The following EXOC1 variants were observed in gnomAD, a reference collection of about 807,000 sequenced individuals.
EXOC1 encodes the protein exocyst complex component 1.
A neutral mutation model predicts 107.7 loss-of-function variants in EXOC1; 67 were observed. That is an observed-to-expected ratio of 0.62 (90% CI 0.51 to 0.76). The LOEUF (loss-of-function observed/expected upper bound fraction) is 0.76. EXOC1 is among the 30% of genes least tolerant of loss of function. The pLI is 0.00. For missense variants in EXOC1, 833 were observed against 1,055.7 expected (o/e 0.79, Z 2.92); for synonymous variants, 348 against 353.5 (o/e 0.98, Z 0.17).
At chr4:55,903,193 G>T (rs1427902405) in intron 18 of EXOC1, among the ~76,000 whole-genome samples, 5 of 149,464 alleles carry the variant, frequency 3.3e-5, no homozygotes, top group Non-Finnish European at 7.4e-5. Context: ...GAAAGAAAGA[G>T]AAAGAAAGAA....
chr4:55,886,090 A>G (rs1723842501), intron 10 of EXOC1, among the ~76,000 whole-genome samples: 1 of 152,200 alleles, frequency 6.6e-6, no homozygotes, highest in Non-Finnish European at 1.5e-5. Context: ...TACATGAAAT[A>G]TTCAATACTT....
At chr4:55,901,003 C>A (rs1382139756) in intron 17 of EXOC1, among the ~76,000 whole-genome samples, 1 of 152,224 alleles carries the variant, frequency 6.6e-6, no homozygotes, top group African/African-American at 2.4e-5. Flanking sequence ...ATTCCTTTAA[C>A]TGGATAAAAG....
chr4:55,861,790 A>C (rs971969994), intron 3 of EXOC1, among the ~76,000 whole-genome samples: 2 of 152,272 alleles, frequency 1.3e-5, no homozygotes, highest in African/African-American at 4.8e-5. Flanking sequence ...GTGGTGGCTC[A>C]CGCCTGTAAT....
At chr4:55,882,994 G>A (rs999197246) in intron 9 of EXOC1, 3 of 151,998 alleles carry the variant, frequency 2.0e-5, no homozygotes, top group Non-Finnish European at 2.9e-5. Context: ...GAACTCTTCT[G>A]GAGAGTATAT....
chr4:55,857,903 A>G (rs1450063198), intron 1 of EXOC1, among the ~76,000 whole-genome samples: 1 of 152,240 alleles, frequency 6.6e-6, no homozygotes. Flanking sequence ...AGTGATGTTA[A>G]GCATGTTTTC....
At chr4:55,856,144 G>A (rs1720948598) in intron 1 of EXOC1, among the ~76,000 whole-genome samples, 1 of 152,240 alleles carries the variant, frequency 6.6e-6, no homozygotes, top group African/African-American at 2.4e-5. Flanking sequence ...AACTTTCACT[G>A]GATGTAGATA....
chr4:55,878,726 G>A (rs1340996850), intron 9 of EXOC1, among the ~76,000 whole-genome samples: 1 of 152,150 alleles, frequency 6.6e-6, no homozygotes, highest in Non-Finnish European at 1.5e-5. Flanking sequence ...CCAGGGATGG[G>A]GAGAGAGATG....
At chr4:55,896,979 G>T (rs113434476) in intron 16 of EXOC1, 79 bp downstream of exon 16, 1 of 1,194,356 alleles carries the variant, frequency 8.4e-7, no homozygotes, top group Admixed American at 2.9e-5. Context: ...GGAGCAGATA[G>T]GTTCATTATT....
In EXOC1 at chr4:55,868,845, G is replaced by A. The variant is rs1193856848; in HGVS notation, c.603+322G>A. 3 of 200,120 alleles carry A rather than the reference G, an allele frequency of 1.5e-5. No individual in the cohort carries two copies. The South Asian group carries it at 5.1e-4, about 34-fold the overall frequency. 12.4% of individuals were successfully genotyped at this position (200,120 alleles called of 1,614,324 possible). A position where few individuals can be genotyped will look rare whatever the true frequency, so the allele number is the denominator to read the frequency against. On this transcript the variant is annotated intron_variant, in intron 5 of 18. Coordinates refer to ENST00000381295, the MANE Select transcript of EXOC1 (RefSeq NM_001024924.2). ...CTCTGAAACATGTCTGAATAGTTCAGTGCCAAAGAATAGCATTTGTGTGTA... is the reference window on the plus strand; with the variant it reads ...CTCTGAAACATGTCTGAATAGTTCAATGCCAAAGAATAGCATTTGTGTGTA...
intron 16 of EXOC1, among the ~76,000 whole-genome samples, chr4:55,897,873 C>A (rs1029390995): frequency 2.6e-5 from 4 of 152,154 alleles, no homozygotes; most frequent in African/African-American, 9.7e-5. Flanking sequence ...GCCTTGGCCT[C>A]CCAAAGTGCT....
Position 55,904,330 on chromosome 4 carries a change from T to C in EXOC1, c.2533-13T>C. 6.3e-7 allele frequency: 1 copy of C among 1,579,524 alleles called. No homozygotes were observed. Among genetic ancestry groups the C allele is most frequent in the Non-Finnish European group, 8.6e-7 (1 of 1,165,692 alleles). ...TCCATTCATAGCCTAATGACTTTTT[T>C]TTTTAATAATAGGTGGTGTGGCACT... On this transcript the variant is annotated splice_polypyrimidine_tract_variant and intron_variant, in intron 18 of 18. Coordinates refer to ENST00000381295, the MANE Select transcript of EXOC1 (RefSeq NM_001024924.2).
intron 4 of EXOC1, 24 bp downstream of exon 4, chr4:55,864,410 T>C (rs1721769055): frequency 1.9e-6 from 3 of 1,562,476 alleles, no homozygotes; most frequent in Non-Finnish European, 2.6e-6. Context: ...AAAATGTATA[T>C]GTAAAATCAA....
At chr4:55,894,405 G>C (rs1050259970) in intron 15 of EXOC1, among the ~76,000 whole-genome samples, 1 of 151,044 alleles carries the variant, frequency 6.6e-6, no homozygotes, top group African/African-American at 2.4e-5. Flanking sequence ...TGAAACAATT[G>C]AAACAATCAT....
chr4:55,893,223 G>A (rs1428164247), intron 14 of EXOC1, among the ~76,000 whole-genome samples: 1 of 152,110 alleles, frequency 6.6e-6, no homozygotes, highest in African/African-American at 2.4e-5. Context: ...GGGTTCAAGC[G>A]ATTCTCCTGA....
At chr4:55,857,164 T>G (rs1197502751) in intron 1 of EXOC1, among the ~76,000 whole-genome samples, 4 of 141,704 alleles carry the variant, frequency 2.8e-5, no homozygotes, top group African/African-American at 5.3e-5. Flanking sequence ...CATTTCCTTT[T>G]TTTCTTTTTT....
chr4:55,869,843 A>G (rs1722269972), intron 5 of EXOC1, among the ~76,000 whole-genome samples: 2 of 152,212 alleles, frequency 1.3e-5, no homozygotes, highest in Admixed American at 1.3e-4. Context: ...CAGGTTTTTC[A>G]TCGTACCATG....
At chr4:55,901,594 G>T (rs930564579) in intron 17 of EXOC1, among the ~76,000 whole-genome samples, 3 of 152,000 alleles carry the variant, frequency 2.0e-5, no homozygotes, top group Admixed American at 6.5e-5. Flanking sequence ...TATAAATGGG[G>T]CAAGGGGCTG....
chr4:55,901,176 T>A (rs548932430), intron 17 of EXOC1, among the ~76,000 whole-genome samples: 1 of 152,186 alleles, frequency 6.6e-6, no homozygotes, highest in African/African-American at 2.4e-5. Flanking sequence ...ATAAGAGATA[T>A]GGAAAACAGA....
intron 8 of EXOC1, 71 bp from the exon 9 acceptor site, chr4:55,877,845 TG>T (rs1175685950): frequency 6.3e-7 from 1 of 1,579,234 alleles, no homozygotes; most frequent in African/African-American, 1.4e-5. Context: ...TTTTGGTCAT[TG>T]TTTAGACTTT....
Sources: gnomAD v4.1 joint callset for allele counts (sites outside exome capture counted in the v4.1 genomes callset) on GRCh38, gnomAD v4.1.1 for gene constraint, MANE v1.5 for transcripts, NCBI Gene and HGNC (gene_info 2026-07-23, HGNC 2026-07-21) for gene names.